The following LARS1 variants were observed in gnomAD, a reference collection of about 807,000 sequenced individuals.
LARS1 encodes the protein leucyl-tRNA synthetase 1, also known as leucine--tRNA ligase, cytoplasmic.
A neutral mutation model predicts 162.8 loss-of-function variants in LARS1; 100 were observed. The observed-to-expected ratio is 0.61, with a 90% CI of 0.52 to 0.73. The LOEUF (loss-of-function observed/expected upper bound fraction) is 0.73. Among genes scored for constraint, LARS1 ranks in the 30% least tolerant of loss-of-function variants. LARS1 has a pLI of 0.00. For missense variants in LARS1, 1,258 were observed against 1,408.9 expected (o/e 0.89, Z 1.71); for synonymous variants, 457 against 462.8 (o/e 0.99, Z 0.16).
At chr5:146,182,288 C>G (rs763683549) in intron 1 of LARS1, 200 bp downstream of exon 1, 3 of 677,684 alleles carry the variant, frequency 4.4e-6, no homozygotes, top group Non-Finnish European at 5.3e-6. Flanking sequence ...ATATGATATC[C>G]AAGTACTCCG....
intron 23 of LARS1, chr5:146,132,291 C>T (rs1023617236): frequency 1.3e-5 from 2 of 151,734 alleles, no homozygotes; most frequent in Non-Finnish European, 2.9e-5. Flanking sequence ...AGTGACAGTG[C>T]GAGACTCTGT....
intron 2 of LARS1, among the ~76,000 whole-genome samples, chr5:146,174,516 A>ATATATG (rs1467508367): frequency 5.9e-5 from 3 of 50,900 alleles, no homozygotes; most frequent in African/African-American, 1.9e-4. Flanking sequence ...ATATATATAT[A>ATATATG]TATCCATATA....
At chr5:146,142,650 C>T (rs1481601715) in intron 20 of LARS1, 4 of 475,688 alleles carry the variant, frequency 8.4e-6, no homozygotes, top group Non-Finnish European at 1.1e-5. Flanking sequence ...AGCAATGCAC[C>T]TGAGATATGA....
At position 146,164,313 on chromosome 5, in the gene LARS1, C is replaced by A; in HGVS notation, c.591G>T (p.Leu197Phe). The change falls in exon 6 of 32, where the codon TTG becomes TTT. Residue 197 changes from leucine to phenylalanine, a missense_variant. Leu to Phe is a conservative substitution (Grantham distance 22, BLOSUM62 0). Transcript: ENST00000394434. Reference sequence around the variant, plus strand: ...CATATTTCCTTTATAGACATACCTTCAAACCCATTCTTTTTAAATCCTGAA... The same window carrying A: ...CATATTTCCTTTATAGACATACCTTAAAACCCATTCTTTTTAAATCCTGAA... Reference protein sequence around the residue: ...LAIQDLKRMGLKVDWRRSFIT... With the variant: ...LAIQDLKRMGFKVDWRRSFIT... 6.2e-7 allele frequency: 1 copy of A among 1,613,808 alleles called. No homozygotes were observed. Among genetic ancestry groups the A allele is most frequent in the South Asian group, 1.1e-5 (1 of 91,066 alleles).
At chr5:146,165,853 C>G (rs1449358708) in intron 5 of LARS1, among the ~76,000 whole-genome samples, 3 of 152,106 alleles carry the variant, frequency 2.0e-5, no homozygotes, top group African/African-American at 7.2e-5. Context: ...AAGAAATATA[C>G]TATAGGTAAT....
At chr5:146,118,161 C>T (rs1412896160) in intron 31 of LARS1, among the ~76,000 whole-genome samples, 1 of 152,048 alleles carries the variant, frequency 6.6e-6, no homozygotes, top group Non-Finnish European at 1.5e-5. Flanking sequence ...ATGTGGTAAA[C>T]AATGAAATAT....
In LARS1 at chr5:146,177,555, T is replaced by G. The variant is rs763339451; in HGVS notation, c.117A>C (p.Lys39Asn). 6.6e-7 allele frequency: 1 copy of G among 1,508,270 alleles called. No homozygotes were observed. The highest frequency in any genetic ancestry group is 9.2e-7 in the Non-Finnish European group (1 of 1,091,586). The allele number at this position is 1,508,270 out of a possible 1,614,324, so 93.4% of individuals were successfully genotyped here. ...CACAAACTATTACTCACCTGGTCTG[T>G]TTCTCTAAATTAGATGCATTGACCT... ...VFEVNASNLE[K>N]QTSKGKYFVT... Residue 39 changes from lysine (K) to asparagine (N), a missense_variant, in exon 2 of 32, where the codon AAA (lysine) becomes AAC (asparagine). Coordinates refer to ENST00000394434, the MANE Select transcript of LARS1 (RefSeq NM_020117.11).
chr5:146,124,120 AC>A, intron 28 of LARS1, 34 bp from the exon 29 acceptor site: 1 of 1,235,814 alleles, frequency 8.1e-7, no homozygotes, highest in South Asian at 1.2e-5. Flanking sequence ...AAACAAAATC[AC>A]AGTAAGAATA....
At chr5:146,159,357 AG>A (rs1385180841) in intron 8 of LARS1, 49 bp downstream of exon 8, 1 of 1,400,802 alleles carries the variant, frequency 7.1e-7, no homozygotes, top group South Asian at 1.2e-5. Context: ...TAAACTCTAT[AG>A]TCTTATTAAG....
intron 20 of LARS1, among the ~76,000 whole-genome samples, chr5:146,141,225 C>G (rs532082536): frequency 6.6e-6 from 1 of 152,132 alleles, no homozygotes; most frequent in Non-Finnish European, 1.5e-5. Flanking sequence ...TCTTCATTAG[C>G]TGGGTAGCTT....
chr5:146,144,599 A>G (rs751432917), intron 16 of LARS1, 25 bp downstream of exon 16: 2 of 1,613,198 alleles, frequency 1.2e-6, no homozygotes, highest in Admixed American at 3.3e-5. Context: ...TGACTAGGGG[A>G]ATTTTCTTGC....
At chr5:146,157,237 G>T (rs541036391) in intron 10 of LARS1, among the ~76,000 whole-genome samples, 166 bp downstream of exon 10, 1 of 152,112 alleles carries the variant, frequency 6.6e-6, no homozygotes, top group East Asian at 1.9e-4. Context: ...TGGTGTTTAC[G>T]TAAGTGTATA....
chr5:146,130,045 A>C lies in LARS1; in HGVS notation c.2601T>G (p.Cys867Trp). Reference sequence around the variant, plus strand: ...TTCCCAGGAGTGTCCAGATGTGCTCACACAAATGTGGACAGAATGGAGCGA... The same window carrying C: ...TTCCCAGGAGTGTCCAGATGTGCTCCCACAAATGTGGACAGAATGGAGCGA... ...LLLAPFCPHL[C>W]EHIWTLLGKP... Residue 867 changes from cysteine to tryptophan, a missense_variant, in exon 25 of 32, where the codon TGT becomes TGG. By Grantham distance (215) the Cys-to-Trp change is radical. Transcript: ENST00000394434. The C allele has an allele frequency of 6.2e-7, 1 of 1,613,542 alleles. No homozygotes were observed. Among genetic ancestry groups the C allele is most frequent in the Non-Finnish European group, 8.5e-7 (1 of 1,179,770 alleles).
chr5:146,129,672 T>C (rs1048050190), intron 25 of LARS1, among the ~76,000 whole-genome samples: 2 of 152,106 alleles, frequency 1.3e-5, no homozygotes, highest in Admixed American at 6.6e-5. Context: ...AAGTCCTATA[T>C]ATGCCAGAAG....
intron 15 of LARS1, among the ~76,000 whole-genome samples, chr5:146,148,695 TC>T (rs1188424318): frequency 5.9e-5 from 9 of 151,286 alleles, no homozygotes; most frequent in African/African-American, 1.9e-4. Flanking sequence ...TTCCTCCTAC[TC>T]CTTCCAAGAG....
chr5:146,154,040 A>G (rs1324375905), intron 10 of LARS1, 60 bp from the exon 11 acceptor site: 1 of 1,176,056 alleles, frequency 8.5e-7, no homozygotes, highest in Admixed American at 2.3e-5. Flanking sequence ...ATTAGAATTA[A>G]AACTATGTTA....
chr5:146,141,551 C>T (rs1392380726), intron 20 of LARS1, among the ~76,000 whole-genome samples: 1 of 152,086 alleles, frequency 6.6e-6, no homozygotes, highest in African/African-American at 2.4e-5. Context: ...TACCTGTAAT[C>T]CGAGTACTTT....
intron 21 of LARS1, among the ~76,000 whole-genome samples, chr5:146,137,099 C>T (rs1487831901): frequency 6.6e-6 from 1 of 152,056 alleles, no homozygotes; most frequent in African/African-American, 2.4e-5. Context: ...AGTTTCACCA[C>T]ATCGGCCAGG....
intron 5 of LARS1, 91 bp downstream of exon 5, chr5:146,168,037 T>G (rs1488154983): frequency 1.9e-6 from 2 of 1,055,024 alleles, no homozygotes; most frequent in East Asian, 5.1e-5. Context: ...GTACATTTTA[T>G]GTGTTGGGCA....
Sources: allele counts gnomAD v4.1 joint callset (sites outside exome capture counted in the v4.1 genomes callset), GRCh38; gene constraint gnomAD v4.1.1; transcripts MANE v1.5; gene names NCBI Gene and HGNC (gene_info 2026-07-23, HGNC 2026-07-21).